The following DNAJB5 variants were observed in gnomAD, a reference collection of about 807,000 sequenced individuals.
The protein encoded by DNAJB5 is DnaJ heat shock protein family (Hsp40) member B5, also known as dnaJ homolog subfamily B member 5.
Under a neutral mutation model 32.6 loss-of-function variants are expected in DNAJB5, and 12 were observed. The observed-to-expected ratio is 0.37, with a 90% confidence interval of 0.24 to 0.60. The LOEUF (loss-of-function observed/expected upper bound fraction) is 0.60, where lower values mean the gene tolerates loss of function less well. Among genes scored for constraint, DNAJB5 ranks in the 20% least tolerant of loss-of-function variants. The pLI is 0.71. For synonymous variants in DNAJB5, 188 were observed against 212.9 expected, an observed-to-expected ratio of 0.88 and a Z score of 1.02; for missense variants, 358 against 554.2, an observed-to-expected ratio of 0.65 and a Z score of 3.55.
At chr9:34,994,804 C>T (rs527383913) in intron 3 of DNAJB5, among the ~76,000 whole-genome samples, 69 of 152,298 alleles carry the variant, frequency 4.5e-4, no homozygotes, top group African/African-American at 1.6e-3. Context: ...CCTCCATGGC[C>T]TGGGGAGGGA....
In DNAJB5 at chr9:34,990,930, AG is replaced by A; in HGVS notation, c.182+120del. On this transcript the variant is annotated intron_variant, in intron 2 of 4. Coordinates refer to ENST00000682809, the MANE Select transcript of DNAJB5 (RefSeq NM_001349723.3). This position sits in a 1 kb window ranked among gnomAD's most constrained non-coding sequence, Gnocchi z 4.5. The stretch of plus-strand genomic sequence containing the variant: ...CATCCTCATCCCCTCTGTGACATAC[AG>A]GAACCCCCCTCCGGCCTCACCCACA... 4.6e-6 allele frequency: 5 copies of A among 1,076,090 alleles called. No homozygotes were observed. The highest frequency in any genetic ancestry group is 6.5e-6 in the Non-Finnish European group (5 of 765,678). 66.7% of individuals were successfully genotyped at this position (1,076,090 alleles called of 1,614,324 possible).
chr9:34,993,083 G>T lies in DNAJB5; in HGVS notation c.183-117G>T. 6.9e-7 allele frequency: 1 copy of T among 1,457,292 alleles called. No individual in the cohort carries two copies. Among genetic ancestry groups the T allele is most frequent in the Non-Finnish European group, 9.0e-7 (1 of 1,109,814 alleles). 90.3% of individuals were successfully genotyped at this position (1,457,292 alleles called of 1,614,324 possible). On this transcript the variant is annotated intron_variant, in intron 2 of 4. Coordinates refer to ENST00000682809, the MANE Select transcript of DNAJB5 (RefSeq NM_001349723.3). The surrounding 1 kb of genome is among the most constrained non-coding windows in gnomAD (Gnocchi z 4.7). Reference sequence around the variant, plus strand: ...ACAGATGGGGGGACGCAGGCCCACAGAACAGGCATGACCTGCTGAAGGTTA... The same window carrying T: ...ACAGATGGGGGGACGCAGGCCCACATAACAGGCATGACCTGCTGAAGGTTA...
chr9:34,990,770 T>C lies in DNAJB5; in HGVS notation c.140T>C (p.Leu47Ser). The C allele has an allele frequency of 6.4e-7, 1 of 1,551,666 alleles. No homozygotes were observed. The highest frequency in any genetic ancestry group is 1.4e-5 in the African/African-American group (1 of 73,156). ...ATGTTTAAAATTCAGCTGGAGCCCT[T>C]AAAACTTCGAGCGTGGACGCTGAAT... Reference protein sequence around the residue: ...SLMFKIQLEPLKLRAWTLNGF... With the variant: ...SLMFKIQLEPSKLRAWTLNGF... Residue 47 changes from leucine (L) to serine (S), a missense_variant, in exon 2 of 5, where the codon TTA becomes TCA. Leu to Ser is a moderately radical substitution (Grantham distance 145). This residue lies in a region of DNAJB5 where 110 missense variants were observed against 111.7 expected (regional missense o/e 0.99). Coordinates refer to ENST00000682809, the MANE Select transcript of DNAJB5 (RefSeq NM_001349723.3). The surrounding 1 kb of genome is among the most constrained non-coding windows in gnomAD (Gnocchi z 4.5).
In DNAJB5 at chr9:34,990,456, G is replaced by A. The variant is rs893453353; in HGVS notation, c.-132-43G>A. On this transcript the variant is annotated intron_variant, in intron 1 of 4. Transcript: ENST00000682809. The surrounding 1 kb of genome is among the most constrained non-coding windows in gnomAD (Gnocchi z 4.5). The stretch of plus-strand genomic sequence containing the variant: ...GACACTGCTGCACCTGAGAGCAGGT[G>A]GCCGCGGGTCTTCTCCCTTCACTCT... 23 of 1,534,658 alleles carry A rather than the reference G, an allele frequency of 1.5e-5. No homozygotes were observed. The Admixed American group carries it at 4.3e-4, about 29-fold the overall frequency.
chr9:34,993,984 G>A lies in DNAJB5; in HGVS notation c.427+540G>A, dbSNP rs980921411. On this transcript the variant is annotated intron_variant, in intron 3 of 4. Transcript: ENST00000682809. This position sits in a 1 kb window ranked among gnomAD's most constrained non-coding sequence, Gnocchi z 4.7. ...GAGGAAGTGGCAGGGATCCAAGGGTGGACGGGGAACTGCTGCTGGCATCTT... is the reference window on the plus strand; with the variant it reads ...GAGGAAGTGGCAGGGATCCAAGGGTAGACGGGGAACTGCTGCTGGCATCTT... Among the ~76,000 whole-genome samples, 1 of 152,214 alleles carries A rather than the reference G, an allele frequency of 6.6e-6. No homozygotes were observed. The highest frequency in any genetic ancestry group is 6.5e-5 in the Admixed American group (1 of 15,288).
At position 34,993,352 on chromosome 9, in the gene DNAJB5, A is replaced by G. The variant is rs1827707263; in HGVS notation, c.335A>G (p.Asn112Ser). 5 of 1,614,092 alleles carry G rather than the reference A, an allele frequency of 3.1e-6. No homozygotes were observed. The East Asian group carries it at 8.9e-5, about 29-fold the overall frequency. The change falls in exon 3 of 5, where the codon AAC becomes AGC. Residue 112 changes from asparagine (N) to serine (S), a missense_variant. Physicochemically the swap from Asn to Ser is conservative, Grantham distance 46 (BLOSUM62 1). Around this residue, in one of 2 missense-constraint regions of DNAJB5, gnomAD observed 248 missense variants for 442.6 expected, o/e 0.56. Transcript: ENST00000682809. The surrounding 1 kb of genome is among the most constrained non-coding windows in gnomAD (Gnocchi z 4.7). ...KYHPDKNKEP[N>S]AEEKFKEIAE... is the part of the protein sequence containing the mutation. Reference sequence around the variant, plus strand: ...CACCCAGACAAGAATAAAGAACCCAACGCTGAGGAGAAGTTTAAGGAGATT... The same window carrying G: ...CACCCAGACAAGAATAAAGAACCCAGCGCTGAGGAGAAGTTTAAGGAGATT...
Position 34,990,850 on chromosome 9 carries a change from C to T in DNAJB5, c.182+38C>T. On this transcript the variant is annotated intron_variant, in intron 2 of 4. Transcript: ENST00000682809. The surrounding 1 kb of genome is among the most constrained non-coding windows in gnomAD (Gnocchi z 4.5). The stretch of plus-strand genomic sequence containing the variant: ...GGAGAAGGGCACTCACACCCATACC[C>T]AGTCAAACCCTCCACGCGGCCATCC... 6.6e-7 allele frequency: 1 copy of T among 1,521,474 alleles called. No homozygotes were observed. The highest frequency in any genetic ancestry group is 8.8e-7 in the Non-Finnish European group (1 of 1,132,316). The allele number at this position is 1,521,474 out of a possible 1,614,324, so 94.2% of individuals were successfully genotyped here. A position where few individuals can be genotyped will look rare whatever the true frequency, so the allele number is the denominator to read the frequency against.
At position 34,996,605 on chromosome 9, in the gene DNAJB5, T is replaced by C. The variant is rs373051515; in HGVS notation, c.768T>C (p.His256=). The C allele has an allele frequency of 7.4e-6, 12 of 1,613,998 alleles. No homozygotes were observed. The African/African-American group carries it at 1.1e-4, about 14-fold the overall frequency. The change falls in exon 4 of 5, where the codon CAT becomes CAC. Residue 256 remains histidine (H), a synonymous_variant. Coordinates refer to ENST00000682809, the MANE Select transcript of DNAJB5 (RefSeq NM_001349723.3). The surrounding 1 kb of genome is among the most constrained non-coding windows in gnomAD (Gnocchi z 7.2). ...GGGTGTCCCTGGAGGAGATCTACCA[T>C]GGCTCCACCAAGCGCATGAAGATCA... The part of the protein sequence containing the change: ...ELRVSLEEIY[H]GSTKRMKITR...
rs368783098 is a variant in DNAJB5 at position 34,996,532 on chromosome 9, T to C, written c.695T>C (p.Leu232Pro). The change falls in exon 4 of 5, where the codon CTG becomes CCG. Residue 232 changes from leucine (L) to proline (P), a missense_variant. Leu to Pro is a moderately conservative substitution (Grantham distance 98). Coordinates refer to ENST00000682809, the MANE Select transcript of DNAJB5 (RefSeq NM_001349723.3). This position sits in a 1 kb window ranked among gnomAD's most constrained non-coding sequence, Gnocchi z 7.2. ...SRGPRRAPEP[L>P]YPRRKVQDPP... ...GGTCCAAGGCGAGCCCCAGAACCAC[T>C]GTACCCTCGGCGCAAGGTGCAGGAC... 141 of 1,614,022 alleles carry C rather than the reference T, an allele frequency of 8.7e-5. No homozygotes were observed. Among genetic ancestry groups the C allele is most frequent in the Non-Finnish European group, 1.1e-4 (132 of 1,180,012 alleles).
At chr9:34,994,530 TTC>T (rs1299942934) in intron 3 of DNAJB5, among the ~76,000 whole-genome samples, 1 of 152,188 alleles carries the variant, frequency 6.6e-6, no homozygotes, top group Non-Finnish European at 1.5e-5. Context: ...TAAGACATTT[TTC>T]TCTCTGGCAT....
intron 2 of DNAJB5, chr9:34,991,616 C>T (rs1260632101): frequency 9.3e-6 from 1 of 107,756 alleles, no homozygotes; most frequent in African/African-American, 1.2e-4. Context: ...TGGCAGACCA[C>T]CCCCCCCCGC....
chr9:34,991,392 T>G (rs1827624643), intron 2 of DNAJB5: 1 of 455,920 alleles, frequency 2.2e-6, no homozygotes, highest in African/African-American at 2.0e-5. Flanking sequence ...AGGCAAGAGA[T>G]GTATGGGCCT....
At chr9:34,995,510 T>C (rs143311734) in intron 3 of DNAJB5, among the ~76,000 whole-genome samples, 1 of 152,354 alleles carries the variant, frequency 6.6e-6, no homozygotes, top group East Asian at 1.9e-4. Flanking sequence ...GTGTGGGGTA[T>C]GGCGTTTGCT....
At chr9:34,995,882 AT>A (rs1381397563) in intron 3 of DNAJB5, among the ~76,000 whole-genome samples, 4 of 152,176 alleles carry the variant, frequency 2.6e-5, no homozygotes, top group Admixed American at 1.3e-4. Flanking sequence ...ATAAGCAAAG[AT>A]TTGGGAACCA....
chr9:34,996,917 T>C lies in DNAJB5; in HGVS notation c.1029+51T>C, dbSNP rs779524017. The C allele has an allele frequency of 6.3e-6, 10 of 1,583,798 alleles. No homozygotes were observed. Among genetic ancestry groups the C allele is most frequent in the Non-Finnish European group, 8.6e-6 (10 of 1,166,698 alleles). On this transcript the variant is annotated intron_variant, in intron 4 of 4. Coordinates refer to ENST00000682809, the MANE Select transcript of DNAJB5 (RefSeq NM_001349723.3). This position sits in a 1 kb window ranked among gnomAD's most constrained non-coding sequence, Gnocchi z 7.2. ...TGTGCTGGGGAGATGGTGGGGACAT[T>C]CCCTCTCTTCCCGCCAGCTGGCACA...
chr9:34,990,119 G>T lies in DNAJB5; in HGVS notation c.-133+288G>T. On this transcript the variant is annotated intron_variant, in intron 1 of 4. Coordinates refer to ENST00000682809, the MANE Select transcript of DNAJB5 (RefSeq NM_001349723.3). The surrounding 1 kb of genome is among the most constrained non-coding windows in gnomAD (Gnocchi z 4.5). The stretch of plus-strand genomic sequence containing the variant: ...TCTGTGAGCAGACCAGCCAGCCAGC[G>T]CGGGTGACATCACCGACCACCCTCC... 1.3e-6 allele frequency: 1 copy of T among 785,480 alleles called. No homozygotes were observed. Among genetic ancestry groups the T allele is most frequent in the Non-Finnish European group, 1.9e-6 (1 of 520,108 alleles). 48.7% of individuals were successfully genotyped at this position (785,480 alleles called of 1,614,324 possible). A position where few individuals can be genotyped will look rare whatever the true frequency, so the allele number is the denominator to read the frequency against.
downstream of DNAJB5, chr9:34,998,483 T>A (rs1827863808): frequency 6.6e-6 from 1 of 152,296 alleles, no homozygotes; most frequent in South Asian, 2.1e-4. Context: ...GGAGGGCCAC[T>A]GTCATCCTCC....
rs1405159519 is a variant in DNAJB5 at position 34,997,492 on chromosome 9, A to T, written c.*233A>T. 4 of 661,336 alleles carry T rather than the reference A, an allele frequency of 6.0e-6. No homozygotes were observed. The highest frequency in any genetic ancestry group is 1.1e-5 in the Non-Finnish European group (4 of 362,014). 41.0% of individuals were successfully genotyped at this position (661,336 alleles called of 1,614,324 possible). On this transcript the variant is annotated 3_prime_UTR_variant, in exon 5 of 5. Coordinates refer to ENST00000682809, the MANE Select transcript of DNAJB5 (RefSeq NM_001349723.3). The surrounding 1 kb of genome is among the most constrained non-coding windows in gnomAD (Gnocchi z 4.1). ...TAGCCCAGGCCAGGGGTCAATGTTC[A>T]TGTCACTAGCTTTCAATCCAGTTTC...
In DNAJB5 at chr9:34,996,228, A is replaced by G. The variant is rs753851273; in HGVS notation, c.428-37A>G. On this transcript the variant is annotated intron_variant, in intron 3 of 4. Transcript: ENST00000682809. The surrounding 1 kb of genome is among the most constrained non-coding windows in gnomAD (Gnocchi z 7.2). Reference sequence around the variant, plus strand: ...GGAAGACACTGGGATTGGGGCCAGAATAAGCCACACTGCCCCTAACTTCTC... The same window carrying G: ...GGAAGACACTGGGATTGGGGCCAGAGTAAGCCACACTGCCCCTAACTTCTC... 6.3e-7 allele frequency: 1 copy of G among 1,586,956 alleles called. No individual in the cohort carries two copies. Among genetic ancestry groups the G allele is most frequent in the South Asian group, 1.2e-5 (1 of 85,844 alleles).
Sources: allele counts gnomAD v4.1 joint callset (sites outside exome capture counted in the v4.1 genomes callset), GRCh38; gene constraint gnomAD v4.1.1; regional missense constraint gnomAD v4.1.1; non-coding constraint Gnocchi (gnomAD v3.1); transcripts MANE v1.5; gene names NCBI Gene and HGNC (gene_info 2026-07-23, HGNC 2026-07-21).